DLGAP1: variants seen among roughly 807,000 people sequenced by gnomAD.
DLGAP1 encodes the protein disks large-associated protein 1.
A neutral mutation model predicts 90.8 loss-of-function variants in DLGAP1; 11 were observed. The observed-to-expected ratio is 0.12, with a 90% confidence interval of 0.08 to 0.20. The LOEUF (loss-of-function observed/expected upper bound fraction) is 0.20. DLGAP1 is among the 10% of genes least tolerant of loss of function. The probability of loss-of-function intolerance (pLI) is 1.00; values close to 1 mark genes in which losing one functional copy is unlikely to be tolerated. For synonymous variants in DLGAP1, 558 were observed against 540.7 expected, an observed-to-expected ratio of 1.03 and a Z score of -0.44; for missense variants, 1,050 against 1,333.8, an observed-to-expected ratio of 0.79 and a Z score of 3.31.
At chr18:3,549,479 C>T (rs1397454697) in intron 9 of DLGAP1, among the ~76,000 whole-genome samples, 2 of 152,012 alleles carry the variant, frequency 1.3e-5, no homozygotes, top group African/African-American at 4.8e-5. Flanking sequence ...ATTACAGGCA[C>T]GTGTCACCAC....
intron 1 of DLGAP1, chr18:4,264,950 C>T (rs1033007947): frequency 6.6e-6 from 1 of 152,200 alleles, no homozygotes; most frequent in African/African-American, 2.4e-5. Context: ...TCCTTTTGTG[C>T]TTTTCACTTG....
At chr18:3,970,980 T>G (rs2073436620) in intron 3 of DLGAP1, among the ~76,000 whole-genome samples, 1 of 152,124 alleles carries the variant, frequency 6.6e-6, no homozygotes, top group African/African-American at 2.4e-5. Context: ...AATGCTGGAA[T>G]AGAGATTTAA....
chr18:3,679,911 C>G (rs2060451304), intron 7 of DLGAP1: 1 of 150,254 alleles, frequency 6.7e-6, no homozygotes, highest in African/African-American at 2.5e-5. Flanking sequence ...GTCTTGAACT[C>G]CTGGACTCAA....
chr18:4,387,808 G>GT (rs1331690635), intron 1 of DLGAP1, among the ~76,000 whole-genome samples: 3 of 152,224 alleles, frequency 2.0e-5, no homozygotes, highest in Admixed American at 6.5e-5. Flanking sequence ...GTGTGTGCCT[G>GT]TAGTCCCAGC....
chr18:4,404,300 T>G (rs1449261551), intron 1 of DLGAP1, among the ~76,000 whole-genome samples: 1 of 152,220 alleles, frequency 6.6e-6, no homozygotes, highest in Non-Finnish European at 1.5e-5. Context: ...AATTCAGTTC[T>G]AGCTGAGTTT....
chr18:3,562,055 T>C (rs1461190610), intron 9 of DLGAP1, among the ~76,000 whole-genome samples: 5 of 149,964 alleles, frequency 3.3e-5, no homozygotes, highest in Non-Finnish European at 5.9e-5. Context: ...GGTGAAACCC[T>C]GTCTCTACTA....
intron 7 of DLGAP1, among the ~76,000 whole-genome samples, chr18:3,602,674 G>A (rs564417254): frequency 4.7e-5 from 7 of 150,416 alleles, no homozygotes; most frequent in African/African-American, 1.7e-4. Context: ...TAAATAGATC[G>A]AGCACTAGAT....
chr18:3,993,027 A>G (rs2073999066), intron 3 of DLGAP1: 1 of 152,010 alleles, frequency 6.6e-6, no homozygotes, highest in Non-Finnish European at 1.5e-5. Context: ...CTGCAAAAAG[A>G]TTACAAAATA....
Position 3,829,625 on chromosome 18 carries a change from T to G in DLGAP1, c.958-15352A>C, listed in dbSNP as rs551826308. Among the ~76,000 whole-genome samples the G allele has an allele frequency of 2.6e-5, 4 of 152,334 alleles. No individual in the cohort carries two copies. In the East Asian group the frequency reaches 7.7e-4, roughly 29 times the overall value. On this transcript the variant is annotated intron_variant, in intron 4 of 12. Coordinates refer to ENST00000315677, the MANE Select transcript of DLGAP1 (RefSeq NM_004746.4). The stretch of plus-strand genomic sequence containing the variant: ...AAATCCACAGGGTGGTCTGGCAGGC[T>G]GGAAACTCAGGCTGGAGTTGATTCT...
rs569362471 is a variant in DLGAP1 at position 3,802,230 on chromosome 18, G to T, written c.1172+11829C>A. On this transcript the variant is annotated intron_variant, in intron 5 of 12. Coordinates refer to ENST00000315677, the MANE Select transcript of DLGAP1 (RefSeq NM_004746.4). ...GAACTCCTGACTTTGTGATCCGCCC[G>T]CCTCGGCCTCCCAAAGTGTTGGGAT... 2.0e-5 allele frequency among the ~76,000 whole-genome samples: 3 copies of T among 150,020 alleles called. No individual in the cohort carries two copies. In the South Asian group the frequency reaches 6.4e-4, roughly 32 times the overall value.
intron 7 of DLGAP1, chr18:3,656,326 G>C (rs1179289278): frequency 2.1e-6 from 1 of 472,680 alleles, no homozygotes; most frequent in Non-Finnish European, 3.7e-6. Flanking sequence ...AAAACCATTT[G>C]GGGAAATTTT....
rs535002186 is a variant in DLGAP1 at position 4,126,109 on chromosome 18, A to G, written c.-159+25071T>C. Among the ~76,000 whole-genome samples the G allele has an allele frequency of 2.6e-4, 40 of 152,328 alleles. 1 individual carries two copies. The South Asian group carries it at 8.3e-3, about 32-fold the overall frequency. ...GCTTGCAATTTGAAGCACCTGGCCA[A>G]GGCAGCCTGCACCGAGCAGGGACAC... On this transcript the variant is annotated intron_variant, in intron 2 of 12. Coordinates refer to ENST00000315677, the MANE Select transcript of DLGAP1 (RefSeq NM_004746.4).
chr18:3,526,835 T>A lies in DLGAP1; in HGVS notation c.2479+7359A>T, dbSNP rs1645289434. Among the ~76,000 whole-genome samples, 1 of 152,220 alleles carries A rather than the reference T, an allele frequency of 6.6e-6. No homozygotes were observed. The highest frequency in any genetic ancestry group is 2.1e-4 in the South Asian group (1 of 4,830). On this transcript the variant is annotated intron_variant, in intron 10 of 12. Coordinates refer to ENST00000315677, the MANE Select transcript of DLGAP1 (RefSeq NM_004746.4). This position sits in a 1 kb window ranked among gnomAD's most constrained non-coding sequence, Gnocchi z 4.7. ...GTCAAATAGCACTGAGCCATCTCCC[T>A]GAGACAGCTGTTTCACACAAGGGCT...
intron 5 of DLGAP1, among the ~76,000 whole-genome samples, chr18:3,813,360 G>C (rs2066935143): frequency 6.6e-6 from 1 of 152,148 alleles, no homozygotes; most frequent in Non-Finnish European, 1.5e-5. Context: ...ACTCCATATA[G>C]CCTAAGTGTG....
intron 1 of DLGAP1, among the ~76,000 whole-genome samples, chr18:4,440,922 A>C (rs2083522128): frequency 6.6e-6 from 1 of 152,236 alleles, no homozygotes; most frequent in African/African-American, 2.4e-5. Flanking sequence ...GCTTTGAGCT[A>C]AGGGTACAAC....
At chr18:4,370,970 C>T (rs1219411063) in intron 1 of DLGAP1, among the ~76,000 whole-genome samples, 1 of 85,020 alleles carries the variant, frequency 1.2e-5, no homozygotes, top group African/African-American at 5.5e-5. Context: ...TCAAAATTAA[C>T]AACATAACAA....
At chr18:4,283,958 C>A (rs149073863) in intron 1 of DLGAP1, among the ~76,000 whole-genome samples, 173 of 152,124 alleles carry the variant, frequency 1.1e-3, no homozygotes, top group Non-Finnish European at 1.2e-3. Flanking sequence ...GGCTTGCAGG[C>A]AGGAACAAAC....
intron 2 of DLGAP1, among the ~76,000 whole-genome samples, chr18:4,066,998 CA>C (rs2075379290): frequency 6.6e-6 from 1 of 152,008 alleles, no homozygotes; most frequent in Admixed American, 6.6e-5. Flanking sequence ...TGCAGCCATA[CA>C]AAAGAATGAG....
intron 1 of DLGAP1, among the ~76,000 whole-genome samples, chr18:4,301,587 C>A (rs1434052848): frequency 1.3e-5 from 2 of 152,178 alleles, no homozygotes; most frequent in Non-Finnish European, 2.9e-5. Flanking sequence ...CTGTTGTGAA[C>A]AATGCTGCAG....
Sources: gnomAD v4.1 joint callset for allele counts (sites outside exome capture counted in the v4.1 genomes callset) on GRCh38, gnomAD v4.1.1 for gene constraint, Gnocchi (gnomAD v3.1) non-coding constraint, MANE v1.5 for transcripts, NCBI Gene and HGNC (gene_info 2026-07-23, HGNC 2026-07-21) for gene names.